EGFLAM: variants seen among roughly 807,000 people sequenced by gnomAD.
EGFLAM encodes the protein EGF like, fibronectin type III and laminin G domains, also known as pikachurin.
EGFLAM carries 79 observed loss-of-function variants against 113.1 expected under a neutral mutation model. The observed-to-expected ratio is 0.70, with a 90% CI of 0.58 to 0.84. EGFLAM has a LOEUF of 0.84. Ranked by LOEUF, EGFLAM falls within the 40% of genes least tolerant of loss-of-function variation. EGFLAM has a pLI of 0.00. For synonymous variants in EGFLAM, 504 were observed against 487.6 expected (o/e 1.03, Z -0.44); for missense variants, 1,265 against 1,291.6 (o/e 0.98, Z 0.32).
intron 1 of EGFLAM, among the ~76,000 whole-genome samples, chr5:38,297,658 G>C (rs74690541): frequency 0.018 from 2,665 of 152,206 alleles, 27 homozygotes; most frequent in Non-Finnish European, 0.029. Context: ...GCCTGTCCTC[G>C]GCAGCAATTA....
In EGFLAM at chr5:38,319,228, G is replaced by A. The variant is rs529426580; in HGVS notation, c.98-18292G>A. ...TTCAGACTGGGGATGACTGGAACCT[G>A]AGCCTGGTCCCAACCAAGACAGGGG... On this transcript the variant is annotated intron_variant, in intron 1 of 21. Transcript: ENST00000322350. Among the ~76,000 whole-genome samples the A allele has an allele frequency of 8.1e-4, 124 of 152,224 alleles. 1 individual carries two copies. The highest frequency in any genetic ancestry group is 7.9e-3 in the South Asian group (38 of 4,808).
At chr5:38,379,622 C>G (rs1740457216) in intron 6 of EGFLAM, among the ~76,000 whole-genome samples, 1 of 151,438 alleles carries the variant, frequency 6.6e-6, no homozygotes, top group Admixed American at 6.6e-5. Flanking sequence ...GTGCTGCTCC[C>G]CGGGTGCCCT....
intron 1 of EGFLAM, among the ~76,000 whole-genome samples, chr5:38,263,675 T>C (rs1757559250): frequency 6.6e-6 from 1 of 152,222 alleles, no homozygotes; most frequent in African/African-American, 2.4e-5. Context: ...TTTTCTTAAA[T>C]GGCTCGTGCT....
intron 18 of EGFLAM, among the ~76,000 whole-genome samples, chr5:38,450,285 T>A (rs1412950747): frequency 6.6e-6 from 1 of 152,126 alleles, no homozygotes; most frequent in East Asian, 1.9e-4. Context: ...CAGTGCTAGA[T>A]TGTGCTGAAC....
chr5:38,286,965 T>A (rs1180213619), intron 1 of EGFLAM, among the ~76,000 whole-genome samples: 1 of 152,178 alleles, frequency 6.6e-6, no homozygotes. Flanking sequence ...TTGACTGATA[T>A]ATTAAATGGT....
chr5:38,302,740 C>T (rs1579747181), intron 1 of EGFLAM, among the ~76,000 whole-genome samples: 1 of 143,442 alleles, frequency 7.0e-6, no homozygotes, highest in South Asian at 2.2e-4. Context: ...ACATGGAAAA[C>T]AAGCCTTTTC....
rs570733720 is a variant in EGFLAM, at chr5:38,344,686, C to T, written c.292-5815C>T. ...TGGATGTCACCTTCTGTTGGCTTCA[C>T]TTGATCAGAGGGCCAGGCTCCTTCC... On this transcript the variant is annotated intron_variant, in intron 3 of 21. Coordinates refer to ENST00000322350, the MANE Select transcript of EGFLAM (RefSeq NM_152403.4). Among the ~76,000 whole-genome samples, 3 of 152,300 alleles carry T rather than the reference C, an allele frequency of 2.0e-5. No individual in the cohort carries two copies. In the South Asian group the frequency reaches 6.2e-4, roughly 32 times the overall value.
At chr5:38,321,059 T>C in intron 1 of EGFLAM, among the ~76,000 whole-genome samples, 1 of 152,290 alleles carries the variant, frequency 6.6e-6, no homozygotes, top group African/African-American at 2.4e-5. Context: ...TTTATTTCTA[T>C]TATTATTACA....
chr5:38,268,124 T>C (rs945833028), intron 1 of EGFLAM, among the ~76,000 whole-genome samples: 3 of 152,192 alleles, frequency 2.0e-5, no homozygotes, highest in African/African-American at 7.2e-5. Flanking sequence ...AGAATATTGA[T>C]GTATCTCTCT....
chr5:38,421,462 G>A lies in EGFLAM; in HGVS notation c.1684+3207G>A, dbSNP rs182532403. 3.0e-4 allele frequency among the ~76,000 whole-genome samples: 46 copies of A among 152,280 alleles called. 1 individual carries two copies. Among genetic ancestry groups the A allele is most frequent in the Admixed American group, 2.4e-3 (37 of 15,302 alleles). The stretch of plus-strand genomic sequence containing the variant: ...GGTATTTGAGATTCAGGGGGTCTGC[G>A]GTGACCATGGGTCTCACTATGGCTT... On this transcript the variant is annotated intron_variant, in intron 12 of 21. Coordinates refer to ENST00000322350, the MANE Select transcript of EGFLAM (RefSeq NM_152403.4).
intron 18 of EGFLAM, among the ~76,000 whole-genome samples, chr5:38,448,610 A>G (rs1344578267): frequency 6.6e-6 from 1 of 152,242 alleles, no homozygotes; most frequent in Non-Finnish European, 1.5e-5. Context: ...TAACCCTGTT[A>G]CAAAAGATCC....
chr5:38,409,270 A>T (rs1741396426), intron 10 of EGFLAM, among the ~76,000 whole-genome samples, 166 bp downstream of exon 10: 1 of 152,238 alleles, frequency 6.6e-6, no homozygotes, highest in African/African-American at 2.4e-5. Context: ...GTGTACTGGG[A>T]TTGCAGGATA....
chr5:38,451,612 C>A, intron 19 of EGFLAM, 154 bp downstream of exon 19: 1 of 1,119,748 alleles, frequency 8.9e-7, no homozygotes, highest in Non-Finnish European at 1.2e-6. Flanking sequence ...CCTGGTCTTT[C>A]TTTCCAACAT....
chr5:38,266,325 A>G (rs1014636779), intron 1 of EGFLAM, among the ~76,000 whole-genome samples: 3 of 152,236 alleles, frequency 2.0e-5, no homozygotes, highest in African/African-American at 7.2e-5. Context: ...TATATGCTCC[A>G]TAATCCTCAG....
At position 38,392,756 on chromosome 5, in the gene EGFLAM, C is replaced by T. The variant is rs978841301; in HGVS notation, c.713-13370C>T. Among the ~76,000 whole-genome samples the T allele has an allele frequency of 1.6e-4, 24 of 152,102 alleles. 1 individual carries two copies. The highest frequency in any genetic ancestry group is 1.6e-3 in the Admixed American group (24 of 15,276). ...CGTGCAGGTTTGTTACATATGTATA[C>T]ATGTGCCATGTTGGTGTGCTGCACC... On this transcript the variant is annotated intron_variant, in intron 6 of 21. Coordinates refer to ENST00000322350, the MANE Select transcript of EGFLAM (RefSeq NM_152403.4).
intron 1 of EGFLAM, among the ~76,000 whole-genome samples, chr5:38,263,662 T>C (rs1441535199): frequency 6.6e-6 from 1 of 152,232 alleles, no homozygotes; most frequent in Non-Finnish European, 1.5e-5. Context: ...GTCTAATTTA[T>C]CATTTTCTTA....
At chr5:38,355,564 G>A (rs773241311) in intron 5 of EGFLAM, among the ~76,000 whole-genome samples, 26 of 152,170 alleles carry the variant, frequency 1.7e-4, no homozygotes, top group Non-Finnish European at 1.0e-4. Flanking sequence ...GCCTTATAGT[G>A]TATGGTTAGG....
intron 5 of EGFLAM, among the ~76,000 whole-genome samples, chr5:38,361,174 A>G (rs761754917): frequency 1.1e-4 from 17 of 151,870 alleles, no homozygotes; most frequent in Non-Finnish European, 2.4e-4. Flanking sequence ...CCTGGCCACA[A>G]GTCTTTATGC....
chr5:38,297,657 C>T (rs1579741199), intron 1 of EGFLAM, among the ~76,000 whole-genome samples: 2 of 152,118 alleles, frequency 1.3e-5, no homozygotes, highest in African/African-American at 4.8e-5. Context: ...AGCCTGTCCT[C>T]GGCAGCAATT....
Sources: allele counts gnomAD v4.1 joint callset (sites outside exome capture counted in the v4.1 genomes callset), GRCh38; gene constraint gnomAD v4.1.1; transcripts MANE v1.5; gene names NCBI Gene and HGNC (gene_info 2026-07-23, HGNC 2026-07-21).